Variants in ZNF83 observed in about 807,000 individuals in gnomAD.
The protein encoded by ZNF83 is zinc finger protein 83.
For missense variants in ZNF83, 552 were observed against 629.9 expected, an observed-to-expected ratio of 0.88 and a Z score of 1.32; for synonymous variants, 209 against 213.0, an observed-to-expected ratio of 0.98 and a Z score of 0.17.
intron 2 of ZNF83, chr19:52,617,042 G>A (rs2060335543): frequency 6.6e-6 from 1 of 152,126 alleles, no homozygotes; most frequent in Non-Finnish European, 1.5e-5. Flanking sequence ...AGGGGGTAGG[G>A]GGCAAGGGGA....
At chr19:52,614,279 TACA>T in exon 3 of ZNF83, 1 of 1,614,146 alleles carries the variant, frequency 6.2e-7, no homozygotes, top group Non-Finnish European at 8.5e-7. Context: ...CCACGCTCAC[TACA>T]TTTGTAGTGT....
At chr19:52,688,864 G>A (rs2062093116) in intron 1 of ZNF83, among the ~76,000 whole-genome samples, 1 of 147,356 alleles carries the variant, frequency 6.8e-6, no homozygotes, top group Non-Finnish European at 1.5e-5. Context: ...CTCACATCAA[G>A]AACGGTTACA....
At chr19:52,630,015 C>G (rs1449799738) in intron 2 of ZNF83, among the ~76,000 whole-genome samples, 1 of 152,178 alleles carries the variant, frequency 6.6e-6, no homozygotes, top group Admixed American at 6.5e-5. Flanking sequence ...GCCAGGCATT[C>G]CTCCAGAACC....
chr19:52,634,023 A>G (rs1194680790), intron 2 of ZNF83, among the ~76,000 whole-genome samples: 2 of 151,614 alleles, frequency 1.3e-5, no homozygotes, highest in African/African-American at 4.8e-5. Context: ...TAATCACAGC[A>G]CTATAGGAGG....
At chr19:52,620,388 A>G (rs1323921035) in intron 2 of ZNF83, among the ~76,000 whole-genome samples, 20 of 152,040 alleles carry the variant, frequency 1.3e-4, no homozygotes, top group East Asian at 1.9e-4. Flanking sequence ...AGTTCTAAGA[A>G]AACAGGAGAT....
intron 1 of ZNF83, among the ~76,000 whole-genome samples, chr19:52,685,219 T>G (rs770321889): frequency 3.9e-5 from 6 of 152,128 alleles, no homozygotes; most frequent in Non-Finnish European, 7.4e-5. Context: ...GCTTTTCTGG[T>G]CTAGCCCCTC....
At chr19:52,685,897 C>CAAAAAA (rs3055370) in intron 1 of ZNF83, among the ~76,000 whole-genome samples, 4 of 132,550 alleles carry the variant, frequency 3.0e-5, no homozygotes, top group Non-Finnish European at 5.0e-5. Flanking sequence ...GTAACTGTCA[C>CAAAAAA]AAAAAAAAAA....
At chr19:52,685,136 CAGA>C (rs2061992876) in intron 1 of ZNF83, among the ~76,000 whole-genome samples, 1 of 152,192 alleles carries the variant, frequency 6.6e-6, no homozygotes, top group Non-Finnish European at 1.5e-5. Flanking sequence ...TCCCCTCTCC[CAGA>C]AGAAAAGCCA....
chr19:52,687,589 TA>T (rs2062057086), intron 1 of ZNF83, among the ~76,000 whole-genome samples: 2 of 58,452 alleles, frequency 3.4e-5, no homozygotes, highest in African/African-American at 1.9e-4. Context: ...TATATATATA[TA>T]TATATAATGT....
At chr19:52,615,633 T>C (rs1012533) in intron 2 of ZNF83, among the ~76,000 whole-genome samples, 2 of 151,928 alleles carry the variant, frequency 1.3e-5, no homozygotes, top group African/African-American at 2.4e-5. Flanking sequence ...TGGGGTAAAA[T>C]AGAAAGAAGG....
chr19:52,613,144 T>TA, exon 3 of ZNF83: 1 of 1,613,936 alleles, frequency 6.2e-7, no homozygotes, highest in South Asian at 1.1e-5. Context: ...CGCATGATGA[T>TA]TAGTGAGGCT....
intron 2 of ZNF83, among the ~76,000 whole-genome samples, chr19:52,624,024 CCT>C (rs1047343359): frequency 6.6e-6 from 1 of 152,166 alleles, no homozygotes; most frequent in Non-Finnish European, 1.5e-5. Flanking sequence ...CATCCCAGCC[CCT>C]CTTTGCTTTT....
At chr19:52,620,254 CTGTGTGTGTATATCTCTG>C (rs2060489512) in intron 2 of ZNF83, among the ~76,000 whole-genome samples, 1 of 134,362 alleles carries the variant, frequency 7.4e-6, no homozygotes, top group South Asian at 2.5e-4. Flanking sequence ...GTGTGTATAT[CTGTGTGTGTATATCTCTG>C]TGTGTGTGTG....
At chr19:52,653,007 ATGT>A (rs1437434865) in intron 3 of ZNF83, 5 of 1,400,564 alleles carry the variant, frequency 3.6e-6, no homozygotes, top group Non-Finnish European at 3.0e-6. Context: ...GAACTCTCTG[ATGT>A]TGTGCAAGGT....
At chr19:52,660,222 G>T (rs571212821) in intron 2 of ZNF83, among the ~76,000 whole-genome samples, 34 of 152,236 alleles carry the variant, frequency 2.2e-4, no homozygotes, top group African/African-American at 7.5e-4. Context: ...TCTGCAGCTG[G>T]GGGTAGGGAT....
At chr19:52,624,981 T>A (rs1469664522) in intron 2 of ZNF83, among the ~76,000 whole-genome samples, 5 of 152,064 alleles carry the variant, frequency 3.3e-5, no homozygotes, top group Non-Finnish European at 7.4e-5. Context: ...TTATTCCAGA[T>A]ACCACACCTG....
At chr19:52,657,088 C>A (rs1398956505) in intron 2 of ZNF83, among the ~76,000 whole-genome samples, 1 of 152,036 alleles carries the variant, frequency 6.6e-6, no homozygotes, top group Non-Finnish European at 1.5e-5. Context: ...TGCACTCCAG[C>A]CTGGGGGACA....
At chr19:52,618,477 T>C (rs2060401106) in intron 2 of ZNF83, 1 of 161,630 alleles carries the variant, frequency 6.2e-6, no homozygotes, top group Non-Finnish European at 1.3e-5. Flanking sequence ...TTCACCAGGA[T>C]GGTCTCGATC....
At chr19:52,649,504 T>G (rs2061416694) in intron 3 of ZNF83, among the ~76,000 whole-genome samples, 1 of 151,940 alleles carries the variant, frequency 6.6e-6, no homozygotes, top group African/African-American at 2.4e-5. Flanking sequence ...CGACCCAAGA[T>G]CCTCAATGGG....
Sources: gnomAD v4.1 joint callset for allele counts (sites outside exome capture counted in the v4.1 genomes callset) on GRCh38, gnomAD v4.1.1 for gene constraint, MANE v1.5 for transcripts, NCBI Gene and HGNC (gene_info 2026-07-23, HGNC 2026-07-21) for gene names.